The following SRSF11 variants were observed in gnomAD, a reference collection of about 807,000 sequenced individuals.
The protein encoded by SRSF11 is serine and arginine rich splicing factor 11.
In SRSF11, 9 loss-of-function variants were observed where a neutral mutation model predicts 56.0. That is an observed-to-expected ratio of 0.16 (90% confidence interval 0.10 to 0.28). SRSF11 has a LOEUF of 0.28. Ranked by LOEUF, SRSF11 falls within the 10% of genes least tolerant of loss-of-function variation. The probability of loss-of-function intolerance (pLI) is 1.00; values close to 1 mark genes in which losing one functional copy is unlikely to be tolerated. For synonymous variants in SRSF11, 222 were observed against 215.3 expected, an observed-to-expected ratio of 1.03 and a Z score of -0.27; for missense variants, 421 against 600.7, an observed-to-expected ratio of 0.70 and a Z score of 3.13.
chr1:70,241,915 G>T (rs1571881956), intron 7 of SRSF11, among the ~76,000 whole-genome samples: 1 of 152,040 alleles, frequency 6.6e-6, no homozygotes, highest in East Asian at 1.9e-4. Flanking sequence ...CACGCCTGTA[G>T]TCCCAGCACT....
At chr1:70,222,160 T>C (rs147485027) in intron 1 of SRSF11, among the ~76,000 whole-genome samples, 1 of 152,316 alleles carries the variant, frequency 6.6e-6, no homozygotes, top group Non-Finnish European at 1.5e-5. Context: ...CGTATATAGG[T>C]TAAATCCCTT....
chr1:70,212,145 T>A (rs192452824), intron 1 of SRSF11, among the ~76,000 whole-genome samples: 491 of 152,340 alleles, frequency 3.2e-3, no homozygotes, highest in South Asian at 0.012. Context: ...AATTGTTTAA[T>A]TTTAGTAAAG....
chr1:70,208,203 TTC>T (rs989291375), intron 1 of SRSF11, among the ~76,000 whole-genome samples: 69 of 152,354 alleles, frequency 4.5e-4, no homozygotes, highest in African/African-American at 1.6e-3. Flanking sequence ...GGAAAGTATC[TTC>T]TGTTTAATGG....
At chr1:70,223,508 C>T (rs1426879307) in intron 1 of SRSF11, among the ~76,000 whole-genome samples, 1 of 152,104 alleles carries the variant, frequency 6.6e-6, no homozygotes, top group African/African-American at 2.4e-5. Context: ...GAGAATGTCT[C>T]CCTCAACTAT....
In SRSF11 at chr1:70,214,024, T is replaced by G. The variant is rs538051203; in HGVS notation, c.-25-7588T>G. 1.7e-3 allele frequency among the ~76,000 whole-genome samples: 253 copies of G among 152,250 alleles called. 1 individual carries two copies. Among genetic ancestry groups the G allele is most frequent in the African/African-American group, 5.6e-3 (231 of 41,548 alleles). On this transcript the variant is annotated intron_variant, in intron 1 of 12. Coordinates refer to the SRSF11 transcript ENST00000370950. ...TTAAGTAAGTCTTTAAAAATAATTT[T>G]CCTTCATGAAGAGAAAGTTAATTTA...
At chr1:70,208,286 CAT>C (rs1189954842) in intron 1 of SRSF11, among the ~76,000 whole-genome samples, 4 of 151,864 alleles carry the variant, frequency 2.6e-5, no homozygotes, top group African/African-American at 9.7e-5. Context: ...TATAAACTGA[CAT>C]ATATAAGAAT....
At chr1:70,236,674 A>G (rs1674121329) in intron 5 of SRSF11, among the ~76,000 whole-genome samples, 1 of 151,234 alleles carries the variant, frequency 6.6e-6, no homozygotes, top group Non-Finnish European at 1.5e-5. Context: ...GGGCATCTTT[A>G]GCCTTTCCAC....
upstream of SRSF11, among the ~76,000 whole-genome samples, chr1:70,217,834 TTAATC>T (rs1409974543): frequency 6.6e-6 from 1 of 152,282 alleles, no homozygotes; most frequent in East Asian, 1.9e-4. Flanking sequence ...ACATAATTAT[TTAATC>T]TATTAGACCT....
chr1:70,251,866 CTG>C lies in SRSF11; in HGVS notation c.*1063_*1064del, dbSNP rs943118771. The C allele has an allele frequency of 6.6e-6, 1 of 152,556 alleles. No homozygotes were observed. Among genetic ancestry groups the C allele is most frequent in the African/African-American group, 2.4e-5 (1 of 41,436 alleles). 9.5% of individuals were successfully genotyped at this position (152,556 alleles called of 1,614,324 possible). A position where few individuals can be genotyped will look rare whatever the true frequency, so the allele number is the denominator to read the frequency against. On this transcript the variant is annotated 3_prime_UTR_variant, in exon 12 of 12. Transcript: ENST00000370949. ...CATGTTATATATGCAAAGTAGGCAA[CTG>C]TTTTCTTAGTTACAGAAGTTTCAAG...
intron 9 of SRSF11, chr1:70,247,162 CTTTATAG>C (rs1676942185): frequency 3.1e-6 from 3 of 973,548 alleles, no homozygotes; most frequent in Middle Eastern, 8.4e-4. Flanking sequence ...GAGTTTTTCT[CTTTATAG>C]TTTAAGTTTT....
At chr1:70,237,357 A>T (rs1271450895) in intron 5 of SRSF11, 68 bp from the exon 6 acceptor site, 3 of 1,583,454 alleles carry the variant, frequency 1.9e-6, no homozygotes, top group South Asian at 2.3e-5. Context: ...TATATACTTA[A>T]GTATTTATTT....
At chr1:70,222,308 A>G (rs1670827604) in intron 1 of SRSF11, among the ~76,000 whole-genome samples, 2 of 152,222 alleles carry the variant, frequency 1.3e-5, no homozygotes, top group Admixed American at 6.5e-5. Context: ...TGGCCCAGCA[A>G]TATAATTCAA....
intron 9 of SRSF11, chr1:70,249,266 C>A (rs1451108858): frequency 6.6e-6 from 1 of 152,036 alleles, no homozygotes; most frequent in Non-Finnish European, 1.5e-5. Context: ...TAGTAACTAC[C>A]TTCTATATCA....
chr1:70,212,416 C>T (rs1669643042), intron 1 of SRSF11, among the ~76,000 whole-genome samples: 1 of 152,076 alleles, frequency 6.6e-6, no homozygotes, highest in Non-Finnish European at 1.5e-5. Flanking sequence ...ACCACCACAC[C>T]CGGCTAATTT....
chr1:70,223,304 A>C (rs1671058283), intron 1 of SRSF11, among the ~76,000 whole-genome samples: 1 of 152,198 alleles, frequency 6.6e-6, no homozygotes, highest in Non-Finnish European at 1.5e-5. Flanking sequence ...CTGACTTTTA[A>C]ATGCTGTTTA....
chr1:70,232,228 A>C, intron 2 of SRSF11, 40 bp from the exon 3 acceptor site: 1 of 1,614,136 alleles, frequency 6.2e-7, no homozygotes, highest in Non-Finnish European at 8.5e-7. Flanking sequence ...TTTCTGTCTT[A>C]GAAAAGAATG....
chr1:70,232,192 G>C, intron 2 of SRSF11, 76 bp from the exon 3 acceptor site: 5 of 1,608,932 alleles, frequency 3.1e-6, no homozygotes, highest in Non-Finnish European at 4.2e-6. Context: ...GTATCAGGGA[G>C]ACATTTTCTG....
At chr1:70,247,685 GAAGAA>G (rs1677068557) in intron 9 of SRSF11, among the ~76,000 whole-genome samples, 1 of 152,046 alleles carries the variant, frequency 6.6e-6, no homozygotes, top group South Asian at 2.1e-4. Context: ...ATAAGCAACA[GAAGAA>G]AAGAAAATTT....
chr1:70,224,458 A>G (rs1671336301), intron 1 of SRSF11, among the ~76,000 whole-genome samples: 1 of 152,148 alleles, frequency 6.6e-6, no homozygotes, highest in Non-Finnish European at 1.5e-5. Context: ...ACCTGTCACC[A>G]GTTGACAGGT....
Sources: gnomAD v4.1 joint callset for allele counts (sites outside exome capture counted in the v4.1 genomes callset) on GRCh38, gnomAD v4.1.1 for gene constraint, MANE v1.5 for transcripts, NCBI Gene and HGNC (gene_info 2026-07-23, HGNC 2026-07-21) for gene names.